GOLM1: variants seen among roughly 807,000 people sequenced by gnomAD.
GOLM1 encodes the protein epididymis luminal protein 46.
A neutral mutation model predicts 50.5 loss-of-function variants in GOLM1; 31 were observed. The ratio of observed to expected loss-of-function variants is 0.61; its 90% CI spans 0.46 to 0.83. The LOEUF (loss-of-function observed/expected upper bound fraction) is 0.83, where lower values mean the gene tolerates loss of function less well. GOLM1 is among the 40% of genes least tolerant of loss of function. The probability of loss-of-function intolerance (pLI) is 0.00; values close to 1 mark genes in which losing one functional copy is unlikely to be tolerated. For synonymous variants in GOLM1, 178 were observed against 192.8 expected, an observed-to-expected ratio of 0.92 and a Z score of 0.64; for missense variants, 491 against 501.3, an observed-to-expected ratio of 0.98 and a Z score of 0.20.
At chr9:86,036,556 G>A (rs762334089) in intron 6 of GOLM1, 49 bp from the exon 7 acceptor site, 104 of 1,590,524 alleles carry the variant, frequency 6.5e-5, no homozygotes, top group East Asian at 4.5e-5. Context: ...TCTGTGAACA[G>A]AAGCCGTAAA....
At position 86,046,544 on chromosome 9, in the gene GOLM1, G is replaced by A. The variant is rs373928322; in HGVS notation, c.393C>T (p.Tyr131=). Residue 131 remains tyrosine, a synonymous_variant, in exon 5 of 10, where the codon TAC becomes TAT. Transcript: ENST00000388712. ...GGAGGACATCCTGCTGCAGCCTGCC[G>A]TAATTCCTCTGCAGGGTCTTTAACT... ...QDQLKTLQRN[Y]GRLQQDVLQF... 7.3e-5 allele frequency: 117 copies of A among 1,612,218 alleles called. 1 individual carries two copies. Among genetic ancestry groups the A allele is most frequent in the South Asian group, 3.7e-4 (34 of 90,880 alleles).
intron 3 of GOLM1, among the ~76,000 whole-genome samples, chr9:86,060,273 G>A (rs1387783202): frequency 6.6e-6 from 1 of 152,082 alleles, no homozygotes. Flanking sequence ...TAAGAAGGTG[G>A]GGGCAAAGAG....
intron 4 of GOLM1, among the ~76,000 whole-genome samples, chr9:86,051,697 C>T (rs762472452): frequency 5.3e-5 from 8 of 152,240 alleles, no homozygotes; most frequent in Non-Finnish European, 1.2e-4. Context: ...CATGTATGCT[C>T]TATCAAAACC....
chr9:86,046,101 G>C lies in GOLM1; in HGVS notation c.467+369C>G, dbSNP rs182755814. On this transcript the variant is annotated intron_variant, in intron 5 of 9. Transcript: ENST00000388712. ...AACAATGTCCACAATGTGATCGCCAGGCAATAAACTATTACTATATCAATA... is the reference window on the plus strand; with the variant it reads ...AACAATGTCCACAATGTGATCGCCACGCAATAAACTATTACTATATCAATA... Among the ~76,000 whole-genome samples, 7 of 152,312 alleles carry C rather than the reference G, an allele frequency of 4.6e-5. No individual in the cohort carries two copies. The East Asian group carries it at 1.3e-3, about 29-fold the overall frequency.
intron 9 of GOLM1, 62 bp from the exon 10 acceptor site, chr9:86,027,955 G>C: frequency 1.0e-6 from 1 of 977,286 alleles, no homozygotes; most frequent in East Asian, 2.5e-5. Context: ...CCCTAGGCAG[G>C]TCCCATTTTC....
At chr9:86,085,982 T>C (rs964231034) in intron 1 of GOLM1, among the ~76,000 whole-genome samples, 3 of 152,246 alleles carry the variant, frequency 2.0e-5, no homozygotes, top group Admixed American at 2.0e-4. Flanking sequence ...CCTTTGGGTA[T>C]ATACCCAGTA....
chr9:86,052,033 T>C (rs112691046), intron 4 of GOLM1, among the ~76,000 whole-genome samples: 8 of 152,076 alleles, frequency 5.3e-5, no homozygotes, highest in African/African-American at 1.9e-4. Context: ...CCTGTCACAG[T>C]GGAAGGAGCC....
intron 1 of GOLM1, among the ~76,000 whole-genome samples, chr9:86,091,975 C>A (rs1412003513): frequency 6.6e-6 from 1 of 152,150 alleles, no homozygotes; most frequent in Admixed American, 6.5e-5. Context: ...AATCCCATTG[C>A]CATATCTGAA....
intron 3 of GOLM1, among the ~76,000 whole-genome samples, chr9:86,064,606 C>T (rs1488677257): frequency 2.0e-5 from 3 of 152,220 alleles, no homozygotes; most frequent in Non-Finnish European, 4.4e-5. Context: ...CCACATCTGA[C>T]CACACTGCTC....
chr9:86,058,436 C>T (rs947159802), intron 3 of GOLM1, among the ~76,000 whole-genome samples: 2 of 151,830 alleles, frequency 1.3e-5, no homozygotes, highest in African/African-American at 2.4e-5. Context: ...GTGCCAGGCG[C>T]GGTGGCTCAT....
intron 6 of GOLM1, 186 bp from the exon 7 acceptor site, chr9:86,036,693 G>A: frequency 1.6e-6 from 1 of 609,886 alleles, no homozygotes; most frequent in East Asian, 2.8e-5. Context: ...AAGACAAGAG[G>A]TTGAGTCAAG....
intron 3 of GOLM1, among the ~76,000 whole-genome samples, chr9:86,053,667 A>ACAC (rs1833883667): frequency 1.5e-5 from 1 of 64,708 alleles, no homozygotes; most frequent in Non-Finnish European, 5.7e-5. Context: ...ACCACTCCAC[A>ACAC]CACGGCACAC....
At position 86,090,572 on chromosome 9, in the gene GOLM1, C is replaced by T. The variant is rs1019973755; in HGVS notation, c.-22+8839G>A. On this transcript the variant is annotated intron_variant, in intron 1 of 9. Coordinates refer to ENST00000388712, the MANE Select transcript of GOLM1 (RefSeq NM_016548.4). Reference sequence around the variant, plus strand: ...CCACCTACTCCAGCCTCAGCAATGGCGGATGCCCCTCCCCTCTACCAAGCT... The same window carrying T: ...CCACCTACTCCAGCCTCAGCAATGGTGGATGCCCCTCCCCTCTACCAAGCT... 6.6e-5 allele frequency among the ~76,000 whole-genome samples: 10 copies of T among 152,078 alleles called. No homozygotes were observed. In the East Asian group the frequency reaches 1.4e-3, roughly 21 times the overall value.
At chr9:86,093,391 A>G (rs939050868) in intron 1 of GOLM1, among the ~76,000 whole-genome samples, 2 of 151,678 alleles carry the variant, frequency 1.3e-5, no homozygotes, top group Admixed American at 6.6e-5. Flanking sequence ...AAAAAAAAAA[A>G]AAAGAAACAA....
In GOLM1 at chr9:86,077,588, G is replaced by C; in HGVS notation, c.133C>G (p.Arg45Gly). ...ACCCTGCCTTCCAGCTCCATGATCC[G>C]TGTCTACAAGGAGACCGTGGCATTA... ...ASSRSVDLQT[R>G]IMELEGRVRR... is the part of the protein sequence containing the mutation. The change falls in exon 3 of 10, where the codon CGG becomes GGG. Residue 45 changes from arginine to glycine, a missense_variant. Physicochemically the swap from Arg to Gly is moderately radical, Grantham distance 125. Coordinates refer to ENST00000388712, the MANE Select transcript of GOLM1 (RefSeq NM_016548.4). 8 of 1,611,718 alleles carry C rather than the reference G, an allele frequency of 5.0e-6. No individual in the cohort carries two copies. Among genetic ancestry groups the C allele is most frequent in the Non-Finnish European group, 6.8e-6 (8 of 1,178,188 alleles).
intron 3 of GOLM1, among the ~76,000 whole-genome samples, chr9:86,064,639 C>T (rs769224386): frequency 2.0e-5 from 3 of 152,192 alleles, no homozygotes; most frequent in Non-Finnish European, 4.4e-5. Context: ...AACCCTATGA[C>T]GGCTTCCCCG....
At chr9:86,068,329 T>G (rs1834363724) in intron 3 of GOLM1, among the ~76,000 whole-genome samples, 1 of 152,228 alleles carries the variant, frequency 6.6e-6, no homozygotes, top group Non-Finnish European at 1.5e-5. Context: ...AAAGTATACA[T>G]TTTTGTTGTT....
At chr9:86,035,122 C>T (rs934104906) in intron 8 of GOLM1, 1 of 985,360 alleles carries the variant, frequency 1.0e-6, no homozygotes, top group East Asian at 1.1e-4. Flanking sequence ...CATCCACTTG[C>T]AAGGTCCCCT....
intron 4 of GOLM1, among the ~76,000 whole-genome samples, chr9:86,048,049 G>C (rs969980707): frequency 2.0e-5 from 2 of 99,660 alleles, no homozygotes; most frequent in Non-Finnish European, 3.8e-5. Flanking sequence ...CCCACGACAC[G>C]CCCCAGATGT....
Sources: gnomAD v4.1 joint callset for allele counts (sites outside exome capture counted in the v4.1 genomes callset) on GRCh38, gnomAD v4.1.1 for gene constraint, MANE v1.5 for transcripts, NCBI Gene and HGNC (gene_info 2026-07-23, HGNC 2026-07-21) for gene names.